FARS2: variants seen among roughly 807,000 people sequenced by gnomAD.
FARS2 encodes phenylalanyl-tRNA synthetase 2, mitochondrial.
Under a neutral mutation model 46.4 loss-of-function variants are expected in FARS2, and 40 were observed. The observed-to-expected ratio is 0.86, with a 90% CI of 0.67 to 1.12. The LOEUF is 1.12. FARS2 is among the 50% of genes most tolerant of loss of function. FARS2 has a pLI of 0.00. For missense variants in FARS2, 513 were observed against 567.9 expected (o/e 0.90, Z 0.98); for synonymous variants, 234 against 214.9 (o/e 1.09, Z -0.78).
intron 1 of FARS2, among the ~76,000 whole-genome samples, chr6:5,277,477 A>G (rs752758307): frequency 7.2e-5 from 11 of 152,112 alleles, no homozygotes; most frequent in Non-Finnish European, 1.3e-4. Context: ...CATTTTTTTT[A>G]TTTACCAGAA....
At chr6:5,362,886 A>G (rs73367060) in intron 1 of FARS2, among the ~76,000 whole-genome samples, 8,359 of 150,234 alleles carry the variant, frequency 0.056, 263 homozygotes, top group Middle Eastern at 0.14. Context: ...TCTTCTTTTC[A>G]GAAATCTTTA....
intron 3 of FARS2, among the ~76,000 whole-genome samples, chr6:5,426,212 A>G (rs1006301160): frequency 3.3e-5 from 5 of 152,226 alleles, no homozygotes; most frequent in African/African-American, 1.2e-4. Flanking sequence ...ATTTTCCACT[A>G]GATATATAGT....
At chr6:5,737,054 A>G (rs550252556) in intron 6 of FARS2, among the ~76,000 whole-genome samples, 2 of 152,352 alleles carry the variant, frequency 1.3e-5, no homozygotes, top group South Asian at 4.1e-4. Context: ...ATGTAAGGAA[A>G]TGAAATCAGA....
At chr6:5,696,063 T>C (rs1758087035) in intron 6 of FARS2, among the ~76,000 whole-genome samples, 1 of 152,216 alleles carries the variant, frequency 6.6e-6, no homozygotes, top group East Asian at 1.9e-4. Flanking sequence ...TGGATAATGT[T>C]CAGTGCTGTC....
At chr6:5,389,209 G>T (rs916274747) in intron 2 of FARS2, among the ~76,000 whole-genome samples, 1 of 152,152 alleles carries the variant, frequency 6.6e-6, no homozygotes, top group African/African-American at 2.4e-5. Flanking sequence ...GTCATTCTTG[G>T]ACAATGCAAA....
intron 3 of FARS2, among the ~76,000 whole-genome samples, chr6:5,426,744 G>A (rs1762876772): frequency 6.6e-6 from 1 of 152,146 alleles, no homozygotes; most frequent in Non-Finnish European, 1.5e-5. Flanking sequence ...TCGTGACTCA[G>A]CCTCCCAAGT....
intron 5 of FARS2, among the ~76,000 whole-genome samples, chr6:5,598,836 T>TC (rs1774349253): frequency 6.6e-6 from 1 of 152,136 alleles, no homozygotes; most frequent in South Asian, 2.1e-4. Flanking sequence ...TAAAAGGCCT[T>TC]CCTTCTGTGA....
intron 5 of FARS2, among the ~76,000 whole-genome samples, chr6:5,590,979 C>G (rs746525751): frequency 3.9e-5 from 6 of 152,154 alleles, no homozygotes; most frequent in Admixed American, 3.3e-4. Context: ...AAAATGTATT[C>G]TGGTGATATG....
intron 4 of FARS2, among the ~76,000 whole-genome samples, chr6:5,440,727 G>C (rs9405268): frequency 0.4 from 60,531 of 151,970 alleles, 12,724 homozygotes; most frequent in Non-Finnish European, 0.46. Context: ...GTCTCACTGT[G>C]TTGCCCAGGC....
chr6:5,355,014 T>A (rs1757825933), intron 1 of FARS2, among the ~76,000 whole-genome samples: 1 of 152,200 alleles, frequency 6.6e-6, no homozygotes, highest in Non-Finnish European at 1.5e-5. Context: ...CAAAATTATT[T>A]TAAATGTTAT....
intron 6 of FARS2, among the ~76,000 whole-genome samples, chr6:5,734,391 T>C (rs77225852): frequency 0.054 from 8,289 of 152,294 alleles, 770 homozygotes; most frequent in African/African-American, 0.19. Flanking sequence ...GCAGGGCTTG[T>C]GCTTTCAGTC....
chr6:5,698,896 G>A (rs1029045564), intron 6 of FARS2, among the ~76,000 whole-genome samples: 7 of 152,136 alleles, frequency 4.6e-5, no homozygotes, highest in African/African-American at 9.7e-5. Context: ...CTTCTCTCTC[G>A]GTTGTTCCTG....
At chr6:5,391,533 A>G (rs1316626552) in intron 2 of FARS2, among the ~76,000 whole-genome samples, 3 of 152,044 alleles carry the variant, frequency 2.0e-5, no homozygotes, top group South Asian at 4.2e-4. Context: ...ATTAATTTGT[A>G]AGGCAGATTG....
intron 2 of FARS2, among the ~76,000 whole-genome samples, chr6:5,388,905 T>A (rs1298015460): frequency 6.6e-6 from 1 of 152,180 alleles, no homozygotes; most frequent in Admixed American, 6.6e-5. Context: ...TTCAAAATCC[T>A]TTTAAAAAAT....
chr6:5,502,225 CAGTG>C (rs1402612867), intron 4 of FARS2, among the ~76,000 whole-genome samples: 1 of 152,180 alleles, frequency 6.6e-6, no homozygotes, highest in East Asian at 1.9e-4. Flanking sequence ...TCAGATGAAA[CAGTG>C]AGAATTATAG....
intron 3 of FARS2, among the ~76,000 whole-genome samples, chr6:5,427,297 A>G (rs954904059): frequency 6.6e-6 from 1 of 152,274 alleles, no homozygotes; most frequent in African/African-American, 2.4e-5. Flanking sequence ...ACCCGAAACC[A>G]TAAAACTACT....
intron 5 of FARS2, among the ~76,000 whole-genome samples, chr6:5,562,145 C>G (rs76083358): frequency 0.043 from 6,510 of 151,838 alleles, 183 homozygotes; most frequent in South Asian, 0.083. Context: ...GGTTGTGTTT[C>G]TTCATATTAT....
At chr6:5,462,841 G>A (rs1051453348) in intron 4 of FARS2, among the ~76,000 whole-genome samples, 4 of 152,212 alleles carry the variant, frequency 2.6e-5, no homozygotes, top group African/African-American at 9.7e-5. Context: ...AAAAATGTCT[G>A]TTGGAATTTT....
At chr6:5,680,218 T>A (rs1447006406) in intron 6 of FARS2, among the ~76,000 whole-genome samples, 1 of 152,178 alleles carries the variant, frequency 6.6e-6, no homozygotes, top group Non-Finnish European at 1.5e-5. Context: ...TGTGTGAATG[T>A]GAGCAAAGTT....
Sources: allele counts gnomAD v4.1 joint callset (sites outside exome capture counted in the v4.1 genomes callset), GRCh38; gene constraint gnomAD v4.1.1; transcripts MANE v1.5; gene names NCBI Gene and HGNC (gene_info 2026-07-23, HGNC 2026-07-21).